Variants in CDH18 observed in about 807,000 individuals in gnomAD.
CDH18 encodes the protein cadherin 18, also known as cadherin-18.
CDH18 carries 31 observed loss-of-function variants against 67.9 expected under a neutral mutation model. That is an observed-to-expected ratio of 0.46 (90% CI 0.34 to 0.62). The LOEUF is 0.62. Among genes scored for constraint, CDH18 ranks in the 20% least tolerant of loss-of-function variants. CDH18 has a pLI of 0.01. For synonymous variants in CDH18, 362 were observed against 347.2 expected (o/e 1.04, Z -0.48); for missense variants, 890 against 975.5 (o/e 0.91, Z 1.17).
intron 2 of CDH18, among the ~76,000 whole-genome samples, chr5:19,867,843 G>A (rs945201457): frequency 6.6e-6 from 1 of 152,112 alleles, no homozygotes; most frequent in African/African-American, 2.4e-5. Flanking sequence ...ATCTTGAGTT[G>A]TAGTTCCCAT....
At chr5:20,410,533 G>A (rs1464068789) in intron 1 of CDH18, among the ~76,000 whole-genome samples, 1 of 151,374 alleles carries the variant, frequency 6.6e-6, no homozygotes, top group Non-Finnish European at 1.5e-5. Flanking sequence ...GCAGCAAAAA[G>A]GCCAAGAGTA....
intron 12 of CDH18, among the ~76,000 whole-genome samples, chr5:19,477,921 C>T (rs1347703671): frequency 2.0e-5 from 3 of 152,042 alleles, no homozygotes; most frequent in East Asian, 3.9e-4. Flanking sequence ...GAATTTTTTA[C>T]ATGTCTTTAG....
intron 12 of CDH18, 26 bp from the exon 13 acceptor site, chr5:19,473,742 AG>A: frequency 6.5e-7 from 1 of 1,532,732 alleles, no homozygotes; most frequent in Non-Finnish European, 8.8e-7. Context: ...AAAAGGATGA[AG>A]AATTAAGAAA....
intron 9 of CDH18, among the ~76,000 whole-genome samples, chr5:19,543,377 T>G (rs1735743465): frequency 6.6e-6 from 1 of 152,284 alleles, no homozygotes; most frequent in East Asian, 1.9e-4. Flanking sequence ...GAAGAGAGCC[T>G]AAACCTGGCT....
intron 3 of CDH18, among the ~76,000 whole-genome samples, chr5:19,771,265 A>G (rs1773698322): frequency 6.6e-6 from 1 of 152,148 alleles, no homozygotes. Flanking sequence ...AAAGTGATGG[A>G]TGTCACTTGG....
rs190775981 is a variant in CDH18 at position 20,071,238 on chromosome 5, T to C, written c.-517-79224A>G. ...GTGTATTTTTTTTCTCGGTTGCCAC[T>C]GAAACAGTATTGAAGATCCTGTCAA... On this transcript the variant is annotated intron_variant, in intron 2 of 14. Coordinates refer to the CDH18 transcript ENST00000507958. Among the ~76,000 whole-genome samples, 18 of 152,240 alleles carry C rather than the reference T, an allele frequency of 1.2e-4. No homozygotes were observed. In the East Asian group the frequency reaches 3.1e-3, roughly 26 times the overall value.
chr5:19,564,443 A>G (rs1232452570), intron 8 of CDH18, among the ~76,000 whole-genome samples: 3 of 152,158 alleles, frequency 2.0e-5, no homozygotes, highest in Middle Eastern at 6.9e-3. Context: ...GCTCTCAGAC[A>G]ACATTTTTAG....
chr5:20,300,837 T>C (rs770009215), intron 1 of CDH18, among the ~76,000 whole-genome samples: 99 of 152,206 alleles, frequency 6.5e-4, no homozygotes, highest in Non-Finnish European at 1.1e-3. Flanking sequence ...AGTCAACTTA[T>C]TTTAAAACAT....
chr5:19,674,679 A>G (rs1242535878), intron 5 of CDH18, among the ~76,000 whole-genome samples: 1 of 152,178 alleles, frequency 6.6e-6, no homozygotes, highest in African/African-American at 2.4e-5. Flanking sequence ...AATTCAGTAT[A>G]GACATATGCA....
rs113313046 is a variant in CDH18, at chr5:20,207,748, A to G, written c.-518+47696T>C. 3.3e-3 allele frequency among the ~76,000 whole-genome samples: 501 copies of G among 152,228 alleles called. 3 individuals carry two copies. The highest frequency in any genetic ancestry group is 0.011 in the African/African-American group (477 of 41,558). ...GATTTGGGTGGGGACACAGAGCCAA[A>G]CCATATCAATACCTAAAGCAATTTA... On this transcript the variant is annotated intron_variant, in intron 2 of 14. Coordinates refer to the CDH18 transcript ENST00000507958.
At chr5:19,865,745 C>T (rs1279631434) in intron 2 of CDH18, among the ~76,000 whole-genome samples, 1 of 152,268 alleles carries the variant, frequency 6.6e-6, no homozygotes, top group Non-Finnish European at 1.5e-5. Flanking sequence ...GGGAAGAGGG[C>T]GGTTCCCTCC....
At chr5:20,216,361 C>T (rs1159916151) in intron 2 of CDH18, among the ~76,000 whole-genome samples, 1 of 151,788 alleles carries the variant, frequency 6.6e-6, no homozygotes, top group Non-Finnish European at 1.5e-5. Flanking sequence ...TGAAGCAAAG[C>T]ATTTTATAGT....
chr5:20,243,178 AAGCTGCCTGGAGAAACAGGCAT>A (rs1262895198), intron 2 of CDH18, among the ~76,000 whole-genome samples: 17 of 152,134 alleles, frequency 1.1e-4, no homozygotes, highest in South Asian at 2.1e-4. Context: ...CCAGAATTTG[AAGCTGCCTGGAGAAACAGGCAT>A]AGGAGTTGTC....
In CDH18 at chr5:20,403,539, G is replaced by C. The variant is rs188213176; in HGVS notation, c.-579-148034C>G. 2.3e-3 allele frequency among the ~76,000 whole-genome samples: 355 copies of C among 152,250 alleles called. 2 individuals are homozygous for C. The highest frequency in any genetic ancestry group is 8.2e-3 in the African/African-American group (342 of 41,546). ...TAATCTACTTGTACATTTCAGTCAG[G>C]GTTTTGGGGGTTTATCAGGTGTATT... On this transcript the variant is annotated intron_variant, in intron 1 of 14. Coordinates refer to the CDH18 transcript ENST00000507958.
intron 1 of CDH18, among the ~76,000 whole-genome samples, chr5:20,389,633 A>C (rs1227243135): frequency 6.6e-6 from 1 of 152,108 alleles, no homozygotes; most frequent in East Asian, 1.9e-4. Context: ...ATTGGGAAAA[A>C]CTACTTTAAA....
chr5:20,249,756 A>G (rs1383519321), intron 2 of CDH18, among the ~76,000 whole-genome samples: 1 of 152,242 alleles, frequency 6.6e-6, no homozygotes, highest in Non-Finnish European at 1.5e-5. Context: ...TGTAAAGACA[A>G]ATCAATCATT....
intron 1 of CDH18, among the ~76,000 whole-genome samples, chr5:20,347,959 A>G (rs1740844793): frequency 6.6e-6 from 1 of 151,806 alleles, no homozygotes; most frequent in Non-Finnish European, 1.5e-5. Flanking sequence ...AATAAATCCT[A>G]CTCTACTCAC....
At chr5:19,754,868 C>A (rs533669541) in intron 3 of CDH18, among the ~76,000 whole-genome samples, 10 of 152,178 alleles carry the variant, frequency 6.6e-5, no homozygotes, top group Admixed American at 5.2e-4. Context: ...AACCTTTGAA[C>A]CCATGCAAAT....
chr5:19,794,948 C>G (rs1017436869), intron 3 of CDH18, among the ~76,000 whole-genome samples: 3 of 152,118 alleles, frequency 2.0e-5, no homozygotes, highest in South Asian at 4.2e-4. Flanking sequence ...AGCCTTAGGT[C>G]TGGAGAAATA....
Sources: gnomAD v4.1 joint callset for allele counts (sites outside exome capture counted in the v4.1 genomes callset) on GRCh38, gnomAD v4.1.1 for gene constraint, MANE v1.5 for transcripts, NCBI Gene and HGNC (gene_info 2026-07-23, HGNC 2026-07-21) for gene names.